ARMC2: variants seen among roughly 807,000 people sequenced by gnomAD.
The protein encoded by ARMC2 is armadillo repeat-containing protein 2.
In ARMC2, 67 loss-of-function variants were observed where a neutral mutation model predicts 90.3. That is an observed-to-expected ratio of 0.74 (90% CI 0.61 to 0.91). The LOEUF (loss-of-function observed/expected upper bound fraction) is 0.91, where lower values mean the gene tolerates loss of function less well. ARMC2 is among the 40% of genes least tolerant of loss of function. ARMC2 has a pLI of 0.00. For synonymous variants in ARMC2, 393 were observed against 393.0 expected (o/e 1.00, Z 0.00); for missense variants, 920 against 1,030.9 (o/e 0.89, Z 1.47).
chr6:108,895,556 G>A (rs1290235634), intron 6 of ARMC2, among the ~76,000 whole-genome samples: 1 of 151,584 alleles, frequency 6.6e-6, no homozygotes, highest in Admixed American at 6.6e-5. Flanking sequence ...CGTCCTTTGG[G>A]CCTTTAAAGT....
chr6:109,037,272 T>A, the ARMC2 span, among the ~76,000 whole-genome samples: 1 of 152,232 alleles, frequency 6.6e-6, no homozygotes, highest in South Asian at 2.1e-4. Flanking sequence ...CCATTAAGGT[T>A]ATAAAAATTT....
intron 8 of ARMC2, among the ~76,000 whole-genome samples, chr6:108,906,331 A>G (rs1772699753): frequency 6.6e-6 from 1 of 152,202 alleles, no homozygotes; most frequent in Admixed American, 6.5e-5. Context: ...ACCAACTGTG[A>G]TGCTATATAG....
the ARMC2 span, chr6:109,000,791 T>C: frequency 7.3e-6 from 6 of 821,498 alleles, no homozygotes; most frequent in Non-Finnish European, 1.0e-5. Context: ...AAATTTTCCG[T>C]AAACTACAGA....
At chr6:108,991,818 A>G in the ARMC2 span, among the ~76,000 whole-genome samples, 1 of 152,208 alleles carries the variant, frequency 6.6e-6, no homozygotes, top group Non-Finnish European at 1.5e-5. Flanking sequence ...GGCACACCTA[A>G]CCAATTTTAA....
chr6:108,926,103 G>T (rs1775080999), intron 10 of ARMC2, among the ~76,000 whole-genome samples: 1 of 152,186 alleles, frequency 6.6e-6, no homozygotes, highest in African/African-American at 2.4e-5. Flanking sequence ...GAGCTTAGAT[G>T]TGGGGAGCGT....
chr6:109,038,687 A>G, the ARMC2 span, among the ~76,000 whole-genome samples: 1 of 152,252 alleles, frequency 6.6e-6, no homozygotes, highest in African/African-American at 2.4e-5. Flanking sequence ...TATGCAATTT[A>G]TATTTAAAAT....
In ARMC2 at chr6:108,953,342, A is replaced by G. The variant is rs532215366; in HGVS notation, c.1906A>G (p.Thr636Ala). The part of the protein sequence containing the change: ...ANPGIVGLLL[T>A]TLEYKSLDDC... The stretch of plus-strand genomic sequence containing the variant: ...CCCGGGGATAGTGGGCCTGCTCCTG[A>G]CCACGCTGGGTGAGAACCGCAGCCC... Residue 636 changes from threonine to alanine, a missense_variant, in exon 13 of 18, where the codon ACC becomes GCC. Physicochemically the swap from Thr to Ala is moderately conservative, Grantham distance 58 (BLOSUM62 0). Coordinates refer to ENST00000392644, the MANE Select transcript of ARMC2 (RefSeq NM_032131.6). 1.9e-6 allele frequency: 3 copies of G among 1,602,518 alleles called. No individual in the cohort carries two copies. The highest frequency in any genetic ancestry group is 1.7e-6 in the Non-Finnish European group (2 of 1,177,156).
At chr6:108,858,695 A>G (rs1274473104) in intron 3 of ARMC2, among the ~76,000 whole-genome samples, 2 of 151,736 alleles carry the variant, frequency 1.3e-5, no homozygotes, top group East Asian at 1.9e-4. Flanking sequence ...TTACATATAA[A>G]TATATGTATT....
chr6:108,887,424 G>A (rs926582583), intron 5 of ARMC2, among the ~76,000 whole-genome samples: 6 of 150,934 alleles, frequency 4.0e-5, no homozygotes, highest in Non-Finnish European at 8.8e-5. Context: ...CTTTGCTTTT[G>A]CTCTTAAACA....
At chr6:109,006,442 TCC>T in the ARMC2 span, among the ~76,000 whole-genome samples, 1 of 106,754 alleles carries the variant, frequency 9.4e-6, no homozygotes, top group Non-Finnish European at 1.9e-5. Context: ...ATGCTATCCC[TCC>T]CCCCACCCCC....
intron 12 of ARMC2, among the ~76,000 whole-genome samples, chr6:108,941,695 G>A (rs1037545297): frequency 6.6e-6 from 1 of 152,128 alleles, no homozygotes; most frequent in African/African-American, 2.4e-5. Flanking sequence ...TTAAGTGCTT[G>A]TAAATTCCCG....
At chr6:108,973,322 T>C (rs1374236737) in intron 17 of ARMC2, 35 bp from the exon 18 acceptor site, 9 of 1,565,918 alleles carry the variant, frequency 5.7e-6, no homozygotes, top group South Asian at 1.2e-5. Context: ...ATTACATTTC[T>C]AAATAATGCT....
chr6:109,040,657 CTTT>C, the ARMC2 span, among the ~76,000 whole-genome samples: 3 of 142,084 alleles, frequency 2.1e-5, no homozygotes. Context: ...CTAGCATAAT[CTTT>C]TTTTTTTTTT....
At chr6:108,964,111 TCTGTAAAACAAGAGACAG>T in intron 15 of ARMC2, 51 bp from the exon 16 acceptor site, 1 of 1,547,688 alleles carries the variant, frequency 6.5e-7, no homozygotes, top group East Asian at 2.2e-5. Flanking sequence ...CCCCATACCA[TCTGTAAAACAAGAGACAG>T]CTGGGAATCC....
chr6:108,949,798 C>T (rs1777050444), intron 12 of ARMC2, among the ~76,000 whole-genome samples: 2 of 152,064 alleles, frequency 1.3e-5, no homozygotes, highest in South Asian at 4.2e-4. Flanking sequence ...GACTTAAGGC[C>T]CATAAATATC....
At chr6:108,989,476 T>TA in the ARMC2 span, among the ~76,000 whole-genome samples, 1 of 142,320 alleles carries the variant, frequency 7.0e-6, no homozygotes, top group South Asian at 2.2e-4. Flanking sequence ...TAGAAATATC[T>TA]GTATATATAT....
chr6:109,050,388 TAA>T, the ARMC2 span, among the ~76,000 whole-genome samples: 42 of 134,052 alleles, frequency 3.1e-4, no homozygotes, highest in African/African-American at 9.4e-4. Context: ...TTTAAATTGT[TAA>T]AAAAAAAAAA....
chr6:109,030,579 A>G, the ARMC2 span, among the ~76,000 whole-genome samples: 1 of 152,234 alleles, frequency 6.6e-6, no homozygotes, highest in Admixed American at 6.5e-5. Flanking sequence ...GGAAGAATAA[A>G]AATAGCTGGG....
the ARMC2 span, among the ~76,000 whole-genome samples, chr6:108,987,947 T>C: frequency 0.1 from 15,302 of 151,834 alleles, 905 homozygotes; most frequent in Middle Eastern, 0.19. Flanking sequence ...GGAATACAGG[T>C]GCATGCCACT....
Sources: allele counts gnomAD v4.1 joint callset (sites outside exome capture counted in the v4.1 genomes callset), GRCh38; gene constraint gnomAD v4.1.1; transcripts MANE v1.5; gene names NCBI Gene and HGNC (gene_info 2026-07-23, HGNC 2026-07-21).